Variants in GALNTL6 observed in about 807,000 individuals in gnomAD.
GALNTL6 encodes the protein polypeptide N-acetylgalactosaminyltransferase like 6.
GALNTL6 carries 46 observed loss-of-function variants against 73.7 expected under a neutral mutation model. The ratio of observed to expected loss-of-function variants is 0.62; its 90% confidence interval spans 0.49 to 0.80. The LOEUF is 0.80. GALNTL6 is among the 30% of genes least tolerant of loss of function. The pLI, the probability that GALNTL6 is intolerant of heterozygous loss-of-function variation, is 0.00. For missense variants in GALNTL6, 604 were observed against 755.0 expected (o/e 0.80, Z 2.34); for synonymous variants, 259 against 263.7 (o/e 0.98, Z 0.17).
intron 5 of GALNTL6, among the ~76,000 whole-genome samples, chr4:172,698,834 A>G (rs1040628770): frequency 1.3e-5 from 2 of 152,176 alleles, no homozygotes; most frequent in African/African-American, 2.4e-5. Context: ...CTAATTTCCA[A>G]TGACTGGTAT....
intron 2 of GALNTL6, among the ~76,000 whole-genome samples, chr4:171,849,976 T>A (rs912007064): frequency 6.6e-6 from 1 of 152,174 alleles, no homozygotes; most frequent in Non-Finnish European, 1.5e-5. Flanking sequence ...ATTTTTTGGT[T>A]TTTGTTTGAG....
Position 172,176,357 on chromosome 4 carries a change from G to A in GALNTL6, c.139-53299G>A, listed in dbSNP as rs201266741. On this transcript the variant is annotated intron_variant, in intron 2 of 12. Transcript: ENST00000506823. ...CGTCTCAAAAAAAAAAAAAAAAAAA[G>A]AGTGTATTCAGCATATTTATTGAGT... is the stretch of plus-strand genomic sequence containing the variant. 7.5e-3 allele frequency among the ~76,000 whole-genome samples: 229 copies of A among 30,628 alleles called. 4 individuals are homozygous for A. Among genetic ancestry groups the A allele is most frequent in the African/African-American group, 0.019 (210 of 11,162 alleles). 20.1% of individuals were successfully genotyped at this position (30,628 alleles called of 152,430 possible).
intron 5 of GALNTL6, among the ~76,000 whole-genome samples, chr4:172,795,406 TG>T (rs1185025366): frequency 6.6e-6 from 1 of 152,186 alleles, no homozygotes; most frequent in Non-Finnish European, 1.5e-5. Context: ...GTGGTGTGAC[TG>T]GTGACCTCAG....
At chr4:172,384,440 GC>G (rs2111289431) in intron 5 of GALNTL6, among the ~76,000 whole-genome samples, 1 of 151,840 alleles carries the variant, frequency 6.6e-6, no homozygotes, top group South Asian at 2.1e-4. Flanking sequence ...TTTCTCTAAG[GC>G]CAATAACAAT....
At chr4:172,264,589 T>TATGCCAA (rs1554008492) in intron 3 of GALNTL6, among the ~76,000 whole-genome samples, 7 of 99,568 alleles carry the variant, frequency 7.0e-5, no homozygotes, top group African/African-American at 2.7e-4. Flanking sequence ...TATATATATA[T>TATGCCAA]ATATTTGGCA....
At chr4:172,701,811 A>G (rs979361103) in intron 5 of GALNTL6, among the ~76,000 whole-genome samples, 2 of 152,112 alleles carry the variant, frequency 1.3e-5, no homozygotes, top group African/African-American at 2.4e-5. Context: ...TAATGGATTC[A>G]TAAGTGTTCA....
chr4:171,978,698 G>C (rs1211209119), intron 2 of GALNTL6, among the ~76,000 whole-genome samples: 1 of 152,020 alleles, frequency 6.6e-6, no homozygotes, highest in Non-Finnish European at 1.5e-5. Flanking sequence ...CAGTCTTTCT[G>C]ACAATGAAGG....
intron 5 of GALNTL6, among the ~76,000 whole-genome samples, chr4:172,480,331 G>A (rs1443849487): frequency 1.3e-5 from 2 of 151,784 alleles, no homozygotes; most frequent in Admixed American, 1.3e-4. Flanking sequence ...AAAAAAAAAA[G>A]TCATAACTCG....
chr4:172,470,830 G>A (rs1251828843), intron 5 of GALNTL6, among the ~76,000 whole-genome samples: 1 of 151,960 alleles, frequency 6.6e-6, no homozygotes, highest in Admixed American at 6.6e-5. Context: ...ACACGTATTC[G>A]TGTGCATGGG....
chr4:172,429,309 T>C (rs1731355067), intron 5 of GALNTL6, among the ~76,000 whole-genome samples: 1 of 151,830 alleles, frequency 6.6e-6, no homozygotes, highest in Non-Finnish European at 1.5e-5. Flanking sequence ...CATTCCGGGT[T>C]CAAGCGATTC....
chr4:171,945,006 C>G (rs1738660654), intron 2 of GALNTL6, among the ~76,000 whole-genome samples: 1 of 151,866 alleles, frequency 6.6e-6, no homozygotes, highest in South Asian at 2.1e-4. Flanking sequence ...AGTGGCAGGA[C>G]AATGTTTGCT....
chr4:172,263,088 CAT>C (rs1738313653), intron 3 of GALNTL6, among the ~76,000 whole-genome samples: 2 of 151,284 alleles, frequency 1.3e-5, no homozygotes, highest in Admixed American at 1.3e-4. Context: ...ACCTGATGAC[CAT>C]ATGTCTAGAT....
At position 173,029,540 on chromosome 4, in the gene GALNTL6, T is replaced by C. The variant is rs75840902; in HGVS notation, c.1638+7915T>C. On this transcript the variant is annotated intron_variant, in intron 12 of 12. Transcript: ENST00000506823. ...GTCAACAAAGAAAGTAGAATAAGTT[T>C]CTAGCACCTTTTGTTATGAGCTTCT... 1.0e-3 allele frequency among the ~76,000 whole-genome samples: 157 copies of C among 152,348 alleles called. 1 individual carries two copies. The highest frequency in any genetic ancestry group is 3.6e-3 in the African/African-American group (151 of 41,576).
chr4:171,892,674 A>G (rs1419512346), intron 2 of GALNTL6, among the ~76,000 whole-genome samples: 1 of 152,036 alleles, frequency 6.6e-6, no homozygotes, highest in African/African-American at 2.4e-5. Context: ...TGATCCTCCC[A>G]CCTCAGCCTC....
chr4:172,519,556 G>A (rs1243013791), intron 5 of GALNTL6, among the ~76,000 whole-genome samples: 2 of 150,522 alleles, frequency 1.3e-5, no homozygotes, highest in Admixed American at 1.3e-4. Flanking sequence ...GAGGAGTAGG[G>A]CATAGTTGCC....
At chr4:172,306,174 A>T (rs2654777) in intron 3 of GALNTL6, among the ~76,000 whole-genome samples, 1 of 151,924 alleles carries the variant, frequency 6.6e-6, no homozygotes, top group African/African-American at 2.4e-5. Flanking sequence ...AAGTAACCTG[A>T]GGCCAGAAGT....
chr4:172,086,823 C>G (rs1029559269), intron 2 of GALNTL6, among the ~76,000 whole-genome samples: 2 of 152,130 alleles, frequency 1.3e-5, no homozygotes, highest in African/African-American at 4.8e-5. Context: ...ACCTATTTCC[C>G]TTTCCTATTT....
intron 2 of GALNTL6, among the ~76,000 whole-genome samples, chr4:172,167,965 C>CA (rs70941387): frequency 0.062 from 7,039 of 113,522 alleles, 205 homozygotes; most frequent in South Asian, 0.12. Context: ...GACTCCGTCT[C>CA]AAAAAAAAAA....
At chr4:172,835,145 A>G (rs1451322879) in intron 7 of GALNTL6, among the ~76,000 whole-genome samples, 1 of 152,250 alleles carries the variant, frequency 6.6e-6, no homozygotes, top group Non-Finnish European at 1.5e-5. Flanking sequence ...GCACAGGTCA[A>G]TAAAGTGATG....
Sources: allele counts gnomAD v4.1 joint callset (sites outside exome capture counted in the v4.1 genomes callset), GRCh38; gene constraint gnomAD v4.1.1; transcripts MANE v1.5; gene names NCBI Gene and HGNC (gene_info 2026-07-23, HGNC 2026-07-21).